NCKIPSD: variants seen among roughly 807,000 people sequenced by gnomAD.
NCKIPSD encodes NCK-interacting protein with SH3 domain.
A neutral mutation model predicts 73.4 loss-of-function variants in NCKIPSD; 48 were observed. The observed-to-expected ratio is 0.65, with a 90% CI of 0.52 to 0.83. NCKIPSD has a LOEUF of 0.83. NCKIPSD is among the 40% of genes least tolerant of loss of function. NCKIPSD has a pLI of 0.00. For missense variants in NCKIPSD, 884 were observed against 970.2 expected, an observed-to-expected ratio of 0.91 and a Z score of 1.18; for synonymous variants, 422 against 403.6, an observed-to-expected ratio of 1.05 and a Z score of -0.54.
chr3:48,679,168 G>A lies in NCKIPSD; in HGVS notation c.1586C>T (p.Pro529Leu). 1 of 1,614,072 alleles carries A rather than the reference G, an allele frequency of 6.2e-7. No individual in the cohort carries two copies. Among genetic ancestry groups the A allele is most frequent in the Non-Finnish European group, 8.5e-7 (1 of 1,179,984 alleles). ...PYAHYEHLGT[P>L]FAQFLLNIVE... ...GATGTTCAGTAGGAACTGGGCGAAAGGCGTGCCCAGGTGCTCTGGGAGAGG... is the reference window on the plus strand; with the variant it reads ...GATGTTCAGTAGGAACTGGGCGAAAAGCGTGCCCAGGTGCTCTGGGAGAGG... Residue 529 changes from proline (P) to leucine (L), a missense_variant, in exon 10 of 13, where the codon CCT becomes CTT. Pro to Leu is a moderately conservative substitution (Grantham distance 98, BLOSUM62 -3). Transcript: ENST00000294129.
At chr3:48,675,831 C>T (rs1267920690) in intron 12 of NCKIPSD, among the ~76,000 whole-genome samples, 3 of 152,068 alleles carry the variant, frequency 2.0e-5, no homozygotes, top group African/African-American at 4.8e-5. Flanking sequence ...CAGGCGTGAA[C>T]CACCACGCCC....
chr3:48,679,675 G>A lies in NCKIPSD; in HGVS notation c.1389C>T (p.Cys463=). 6.2e-7 allele frequency: 1 copy of A among 1,614,204 alleles called. No homozygotes were observed. The highest frequency in any genetic ancestry group is 8.5e-7 in the Non-Finnish European group (1 of 1,180,042). Residue 463 remains cysteine, a synonymous_variant, in exon 8 of 13, where the codon TGC becomes TGT. Transcript: ENST00000294129. Reference sequence around the variant, plus strand: ...CATCCAGGCTGCACATGGCGCCAAAGCACTTGAGGAGCAGCAGCCGCAGTG... The same window carrying A: ...CATCCAGGCTGCACATGGCGCCAAAACACTTGAGGAGCAGCAGCCGCAGTG... ...RASLRLLLLK[C]FGAMCSLDAA...
chr3:48,685,227 G>GAGGT (rs2077418940), intron 1 of NCKIPSD, among the ~76,000 whole-genome samples: 1 of 99,014 alleles, frequency 1.0e-5, no homozygotes, highest in Non-Finnish European at 2.2e-5. Context: ...GGGAGGGAGG[G>GAGGT]AGGTTGGTTG....
chr3:48,681,942 T>A (rs1489977179), intron 4 of NCKIPSD, 103 bp downstream of exon 4: 90 of 1,487,386 alleles, frequency 6.1e-5, no homozygotes, highest in Non-Finnish European at 3.9e-5. Context: ...GGGAGTCCTG[T>A]CCTCTTCCCC....
chr3:48,682,919 G>C lies in NCKIPSD; in HGVS notation c.265C>G (p.Gln89Glu). Reference protein sequence around the residue: ...MRDGGKYSLEQRGVLQKLIHH... With the variant: ...MRDGGKYSLEERGVLQKLIHH... ...AACACTCACTGGAGGACTCCACGCT[G>C]TTCCAGGCTGTACTTGCCACCATCC... Residue 89 changes from glutamine to glutamate, a missense_variant, in exon 2 of 13, where the codon CAG (glutamine) becomes GAG (glutamate). Gln to Glu is a conservative substitution (Grantham distance 29). Transcript: ENST00000294129. 1 of 1,551,726 alleles carries C rather than the reference G, an allele frequency of 6.4e-7. No individual in the cohort carries two copies. The highest frequency in any genetic ancestry group is 8.7e-7 in the Non-Finnish European group (1 of 1,147,710).
At chr3:48,678,767 G>A (rs557146289) in intron 11 of NCKIPSD, 31 bp from the exon 12 acceptor site, 3 of 1,611,228 alleles carry the variant, frequency 1.9e-6, no homozygotes, top group Middle Eastern at 1.7e-4. Flanking sequence ...CGGTCAGGGT[G>A]GACCTTGTGG....
chr3:48,674,259 C>T lies in NCKIPSD; in HGVS notation c.*285G>A, dbSNP rs2077217940. The stretch of plus-strand genomic sequence containing the variant: ...GAGCGGCAGCAGGACTCTGAGTGTA[C>T]ACATGGGTGTGGGGTGAAGAGGGGG... On this transcript the variant is annotated 3_prime_UTR_variant, in exon 13 of 13. Transcript: ENST00000294129. The T allele has an allele frequency of 7.6e-7, 1 of 1,316,654 alleles. No homozygotes were observed. The highest frequency in any genetic ancestry group is 9.8e-7 in the Non-Finnish European group (1 of 1,024,108). 81.6% of individuals were successfully genotyped at this position (1,316,654 alleles called of 1,614,324 possible).
rs572510809 is a variant in NCKIPSD at position 48,682,783 on chromosome 3, C to T, written c.281+120G>A. On this transcript the variant is annotated intron_variant, in intron 2 of 12. Coordinates refer to ENST00000294129, the MANE Select transcript of NCKIPSD (RefSeq NM_016453.4). ...ACCTTGCTCACTGGGAGGTGCCATT[C>T]CCCCACCACCCTTGCCAACCCTCGC... 8.6e-6 allele frequency: 12 copies of T among 1,397,944 alleles called. No individual in the cohort carries two copies. The East Asian group carries it at 3.0e-4, about 35-fold the overall frequency. The allele number at this position is 1,397,944 out of a possible 1,614,324, so 86.6% of individuals were successfully genotyped here. A position where few individuals can be genotyped will look rare whatever the true frequency, so the allele number is the denominator to read the frequency against.
intron 1 of NCKIPSD, among the ~76,000 whole-genome samples, chr3:48,685,191 AAGGGAGGGAGGGAGGG>A (rs377051084): frequency 7.0e-4 from 24 of 34,190 alleles, no homozygotes; most frequent in East Asian, 6.6e-3. Context: ...GGGAAGAAGG[AAGGGAGGGAGGGAGGG>A]AGGGAGGGAG....
At chr3:48,677,776 G>A (rs1376600871) in intron 12 of NCKIPSD, among the ~76,000 whole-genome samples, 2 of 152,156 alleles carry the variant, frequency 1.3e-5, no homozygotes, top group African/African-American at 4.8e-5. Context: ...AGTTGTTTCA[G>A]CTGTGCCCAG....
In NCKIPSD at chr3:48,679,454, T is replaced by G. The variant is rs770057015; in HGVS notation, c.1493A>C (p.His498Pro). 1.2e-6 allele frequency: 2 copies of G among 1,611,980 alleles called. No homozygotes were observed. Among genetic ancestry groups the G allele is most frequent in the Non-Finnish European group, 1.7e-6 (2 of 1,178,662 alleles). Residue 498 changes from histidine to proline, a missense_variant, in exon 9 of 13, where the codon CAC becomes CCC. Physicochemically the swap from His to Pro is moderately conservative, Grantham distance 77. Transcript: ENST00000294129. ...GAGGGCAGAGTAACAGAGTTTCTGG[T>G]GGTCTGGGGGGGACAAGGCAGGCAG... is the stretch of plus-strand genomic sequence containing the variant. Reference protein sequence around the residue: ...ARDMQTDTQDHQKLCYSALIL... With the variant: ...ARDMQTDTQDPQKLCYSALIL...
Position 48,674,147 on chromosome 3 carries a change from G to A in NCKIPSD, c.*397C>T. On this transcript the variant is annotated 3_prime_UTR_variant, in exon 13 of 13. Transcript: ENST00000294129. Reference sequence around the variant, plus strand: ...AAGGCAAAGAATAGAGCTGGTGGGAGATGCCTCCCCTCACCCCAGGGGCAT... The same window carrying A: ...AAGGCAAAGAATAGAGCTGGTGGGAAATGCCTCCCCTCACCCCAGGGGCAT... 1 of 1,146,012 alleles carries A rather than the reference G, an allele frequency of 8.7e-7. No homozygotes were observed. The allele number at this position is 1,146,012 out of a possible 1,614,324, so 71.0% of individuals were successfully genotyped here.
Position 48,681,268 on chromosome 3 carries a change from C to A in NCKIPSD, c.1092+19G>T. The A allele has an allele frequency of 6.4e-7, 1 of 1,561,626 alleles. No individual in the cohort carries two copies. Among genetic ancestry groups the A allele is most frequent in the African/African-American group, 1.4e-5 (1 of 73,810 alleles). Reference sequence around the variant, plus strand: ...CAGGGTGGGTAGCAGGGTGGCCCTGCTGTGCCGCCCACCCTCACCTTGCCC... The same window carrying A: ...CAGGGTGGGTAGCAGGGTGGCCCTGATGTGCCGCCCACCCTCACCTTGCCC... On this transcript the variant is annotated intron_variant, in intron 5 of 12. Coordinates refer to ENST00000294129, the MANE Select transcript of NCKIPSD (RefSeq NM_016453.4).
chr3:48,675,567 G>T (rs1166693580), intron 12 of NCKIPSD, among the ~76,000 whole-genome samples: 1 of 139,482 alleles, frequency 7.2e-6, no homozygotes, highest in African/African-American at 2.7e-5. Flanking sequence ...TTTGAGACAG[G>T]GTCTCGTGCT....
chr3:48,679,007 T>A (rs771045249), intron 10 of NCKIPSD, 38 bp from the exon 11 acceptor site: 4 of 1,614,092 alleles, frequency 2.5e-6, no homozygotes, highest in Non-Finnish European at 1.7e-6. Context: ...GTGCTGAGCC[T>A]GAGAGCCACC....
Position 48,679,083 on chromosome 3 carries a change from C to T in NCKIPSD, c.1671G>A (p.Leu557=), listed in dbSNP as rs774990374. Reference sequence around the variant, plus strand: ...GCAGGTGCAGGTTGAGAGCCAGAAGCAGGTTCACGCAGAGGTCCGGCAGCT... The same window carrying T: ...GCAGGTGCAGGTTGAGAGCCAGAAGTAGGTTCACGCAGAGGTCCGGCAGCT... ...TEQLPDLCVN[L]LLALNLHLPA... The change falls in exon 10 of 13, where the codon CTG becomes CTA. Residue 557 remains leucine (L), a synonymous_variant. Coordinates refer to ENST00000294129, the MANE Select transcript of NCKIPSD (RefSeq NM_016453.4). 1.9e-6 allele frequency: 3 copies of T among 1,614,140 alleles called. No homozygotes were observed. The highest frequency in any genetic ancestry group is 2.5e-6 in the Non-Finnish European group (3 of 1,180,022).
Position 48,673,963 on chromosome 3 carries a change from C to T in NCKIPSD, c.*581G>A. 1 of 1,067,030 alleles carries T rather than the reference C, an allele frequency of 9.4e-7. No homozygotes were observed. Among genetic ancestry groups the T allele is most frequent in the Non-Finnish European group, 1.1e-6 (1 of 880,028 alleles). The allele number at this position is 1,067,030 out of a possible 1,614,324, so 66.1% of individuals were successfully genotyped here. ...ATTCGGTCATTGGCTTTCTCAGTGC[C>T]ATCATCCTGTTCCATGAGGCTCCAG... is the stretch of plus-strand genomic sequence containing the variant. On this transcript the variant is annotated 3_prime_UTR_variant, in exon 13 of 13. Coordinates refer to ENST00000294129, the MANE Select transcript of NCKIPSD (RefSeq NM_016453.4).
intron 1 of NCKIPSD, among the ~76,000 whole-genome samples, chr3:48,684,611 G>A (rs1459195674): frequency 6.6e-6 from 1 of 152,204 alleles, no homozygotes; most frequent in Non-Finnish European, 1.5e-5. Context: ...AAAGGATAAG[G>A]ACTAGGACGG....
chr3:48,684,019 C>CACACACACACAG (rs563262573), intron 1 of NCKIPSD, among the ~76,000 whole-genome samples: 47 of 141,344 alleles, frequency 3.3e-4, no homozygotes, highest in African/African-American at 1.3e-3. Flanking sequence ...CACACACACA[C>CACACACACACAG]AGAGAGAGAG....
Sources: allele counts gnomAD v4.1 joint callset (sites outside exome capture counted in the v4.1 genomes callset), GRCh38; gene constraint gnomAD v4.1.1; transcripts MANE v1.5; gene names NCBI Gene and HGNC (gene_info 2026-07-23, HGNC 2026-07-21).